JARID2: variants seen among roughly 807,000 people sequenced by gnomAD.
JARID2 encodes protein Jumonji.
In JARID2, 21 loss-of-function variants were observed where a neutral mutation model predicts 125.6. That is an observed-to-expected ratio of 0.17 (90% CI 0.12 to 0.24). The LOEUF is 0.24. Ranked by LOEUF, JARID2 falls within the 10% of genes least tolerant of loss-of-function variation. JARID2 has a pLI of 1.00. For synonymous variants in JARID2, 736 were observed against 661.6 expected (o/e 1.11, Z -1.73); for missense variants, 1,303 against 1,639.6 (o/e 0.79, Z 3.55).
chr6:15,318,371 G>C (rs1466910534), intron 1 of JARID2, among the ~76,000 whole-genome samples: 5 of 152,330 alleles, frequency 3.3e-5, no homozygotes, highest in Non-Finnish European at 7.4e-5. Flanking sequence ...GAGGTGCAGG[G>C]GGATGAGGCA....
intron 17 of JARID2, 83 bp from the exon 18 acceptor site, chr6:15,519,985 TA>T: frequency 8.2e-7 from 1 of 1,221,218 alleles, no homozygotes; most frequent in Non-Finnish European, 1.1e-6. Flanking sequence ...CCCTCTGCCC[TA>T]AACTTGCCCC....
chr6:15,500,398 T>C (rs539127758), intron 7 of JARID2, among the ~76,000 whole-genome samples: 12 of 151,984 alleles, frequency 7.9e-5, no homozygotes, highest in African/African-American at 2.7e-4. Flanking sequence ...AGTGAGTGAG[T>C]GGGTGGGCAT....
intron 16 of JARID2, among the ~76,000 whole-genome samples, chr6:15,514,103 T>TC (rs912604704): frequency 6.6e-6 from 1 of 152,128 alleles, no homozygotes; most frequent in African/African-American, 2.4e-5. Context: ...AAACACCTCC[T>TC]CCCCCTGCTC....
intron 6 of JARID2, among the ~76,000 whole-genome samples, chr6:15,489,898 G>T (rs1481468934): frequency 6.6e-6 from 1 of 152,136 alleles, no homozygotes; most frequent in Non-Finnish European, 1.5e-5. Flanking sequence ...CTCCTTCCCT[G>T]TTCCAGTCTA....
At chr6:15,299,316 G>A (rs1389449790) in intron 1 of JARID2, among the ~76,000 whole-genome samples, 4 of 152,098 alleles carry the variant, frequency 2.6e-5, no homozygotes, top group Non-Finnish European at 4.4e-5. Flanking sequence ...ATCTTCATTG[G>A]GTTCTCAAAT....
At chr6:15,511,241 T>C in intron 12 of JARID2, 55 bp from the exon 13 acceptor site, 2 of 1,248,238 alleles carry the variant, frequency 1.6e-6, no homozygotes, top group Non-Finnish European at 2.4e-6. Context: ...GCCCAGTACA[T>C]GCAGGAGGCC....
intron 7 of JARID2, among the ~76,000 whole-genome samples, chr6:15,500,105 G>C (rs897554354): frequency 1.3e-5 from 2 of 152,098 alleles, no homozygotes; most frequent in Non-Finnish European, 2.9e-5. Context: ...TATTTGGCCC[G>C]AGGGAGGTTG....
intron 2 of JARID2, among the ~76,000 whole-genome samples, chr6:15,384,767 C>T (rs1351761809): frequency 6.6e-6 from 1 of 152,078 alleles, no homozygotes; most frequent in Admixed American, 6.5e-5. Flanking sequence ...CAAATAGACA[C>T]AGTGTTGCCC....
intron 1 of JARID2, among the ~76,000 whole-genome samples, chr6:15,290,089 A>G (rs1047334020): frequency 6.6e-6 from 1 of 152,178 alleles, no homozygotes; most frequent in African/African-American, 2.4e-5. Flanking sequence ...TCACCACCCA[A>G]TTGAAATAGA....
At chr6:15,353,119 C>G (rs148389401) in intron 1 of JARID2, among the ~76,000 whole-genome samples, 3 of 152,096 alleles carry the variant, frequency 2.0e-5, no homozygotes, top group Non-Finnish European at 4.4e-5. Flanking sequence ...GAGTAATAGC[C>G]TTTTGAGTAT....
At chr6:15,470,176 CAAAA>C (rs34467447) in intron 5 of JARID2, among the ~76,000 whole-genome samples, 3 of 128,894 alleles carry the variant, frequency 2.3e-5, no homozygotes, top group Non-Finnish European at 5.0e-5. Flanking sequence ...GACTCTGTCT[CAAAA>C]AAAAAAAAAA....
At chr6:15,248,812 G>T in intron 1 of JARID2, 1 of 664,802 alleles carries the variant, frequency 1.5e-6, no homozygotes, top group Non-Finnish European at 1.9e-6. Flanking sequence ...AAGTCGGGCG[G>T]GAGGCTCCAG....
chr6:15,468,948 A>G (rs970750519), intron 5 of JARID2, among the ~76,000 whole-genome samples: 1 of 152,218 alleles, frequency 6.6e-6, no homozygotes, highest in Non-Finnish European at 1.5e-5. Flanking sequence ...AAATTCTATA[A>G]GAGCTGTAGA....
At chr6:15,283,042 G>A (rs545389834) in intron 1 of JARID2, among the ~76,000 whole-genome samples, 14 of 151,594 alleles carry the variant, frequency 9.2e-5, no homozygotes, top group African/African-American at 2.7e-4. Context: ...GTAGTGGCGC[G>A]ATCTTGGCTC....
rs1313544698 is a variant in JARID2 at position 15,513,287 on chromosome 6, C to T, written c.3315C>T (p.His1105=). ...GGCAGCTGTTCGAGGCTGGCCTCCA[C>T]TCCTCCGCACGCTATGGCAGCCACG... ...QRRQLFEAGL[H]SSARYGSHDG... is the part of the protein sequence containing the mutation. Residue 1105 remains histidine (H), a synonymous_variant, in exon 16 of 18, where the codon CAC becomes CAT. Coordinates refer to ENST00000341776, the MANE Select transcript of JARID2 (RefSeq NM_004973.4). The T allele has an allele frequency of 1.3e-6, 2 of 1,593,436 alleles. No homozygotes were observed. Among genetic ancestry groups the T allele is most frequent in the Non-Finnish European group, 1.7e-6 (2 of 1,170,920 alleles).
At chr6:15,375,303 C>G (rs1243993120) in intron 2 of JARID2, among the ~76,000 whole-genome samples, 9 of 152,212 alleles carry the variant, frequency 5.9e-5, no homozygotes. Context: ...GTTGTGCTGT[C>G]TCCTTCCACT....
At chr6:15,315,498 A>G (rs1457035411) in intron 1 of JARID2, among the ~76,000 whole-genome samples, 2 of 152,220 alleles carry the variant, frequency 1.3e-5, no homozygotes, top group Non-Finnish European at 2.9e-5. Context: ...TCAGTACACC[A>G]TAGGGTCAAG....
chr6:15,269,401 C>T (rs1173537258), intron 1 of JARID2, among the ~76,000 whole-genome samples: 2 of 152,042 alleles, frequency 1.3e-5, no homozygotes, highest in South Asian at 4.1e-4. Flanking sequence ...GTCTGTTGCC[C>T]AGGCTGGCGT....
chr6:15,480,208 T>C (rs1243805144), intron 5 of JARID2, among the ~76,000 whole-genome samples: 2 of 152,188 alleles, frequency 1.3e-5, no homozygotes, highest in African/African-American at 4.8e-5. Flanking sequence ...AGGAAGAAGG[T>C]ATTTTAATTT....
Sources: gnomAD v4.1 joint callset for allele counts (sites outside exome capture counted in the v4.1 genomes callset) on GRCh38, gnomAD v4.1.1 for gene constraint, MANE v1.5 for transcripts, NCBI Gene and HGNC (gene_info 2026-07-23, HGNC 2026-07-21) for gene names.